GPHN: variants seen among roughly 807,000 people sequenced by gnomAD.
GPHN encodes the protein gephyrin.
In GPHN, 17 loss-of-function variants were observed where a neutral mutation model predicts 95.5. The ratio of observed to expected loss-of-function variants is 0.18; its 90% CI spans 0.12 to 0.27. The LOEUF (loss-of-function observed/expected upper bound fraction) is 0.27. Ranked by LOEUF, GPHN falls within the 10% of genes least tolerant of loss-of-function variation. GPHN has a pLI of 1.00. For missense variants in GPHN, 660 were observed against 978.1 expected (o/e 0.67, Z 4.34); for synonymous variants, 320 against 322.5 (o/e 0.99, Z 0.08).
At chr14:66,951,540 TAA>T (rs1341244420) in intron 8 of GPHN, among the ~76,000 whole-genome samples, 1 of 142,690 alleles carries the variant, frequency 7.0e-6, no homozygotes, top group Non-Finnish European at 1.5e-5. Flanking sequence ...AAGGAAGGGA[TAA>T]AGAAACTTGC....
chr14:67,562,488 T>C, the GPHN span: 1 of 1,613,306 alleles, frequency 6.2e-7, no homozygotes, highest in Non-Finnish European at 8.5e-7. Context: ...GGTGAGGGTC[T>C]GGTTACTGCT....
chr14:67,730,295 A>G, the GPHN span, among the ~76,000 whole-genome samples: 16,493 of 152,208 alleles, frequency 0.11, 949 homozygotes, highest in Middle Eastern at 0.26. Context: ...GCCATTCAGT[A>G]TGGTAGCCAC....
In GPHN at chr14:66,853,940, A is replaced by C. The variant is rs184742616; in HGVS notation, c.295-25999A>C. ...AGAGTTCTTTTTCTATTTTGCCGTT[A>C]GTTTATCTGCCATATTCCTTATCAT... On this transcript the variant is annotated intron_variant, in intron 4 of 22. Transcript: ENST00000478722. Among the ~76,000 whole-genome samples, 456 of 152,308 alleles carry C rather than the reference A, an allele frequency of 3.0e-3. 3 individuals carry two copies. Among genetic ancestry groups the C allele is most frequent in the African/African-American group, 0.011 (438 of 41,566 alleles).
At chr14:67,322,688 T>C in the GPHN span, among the ~76,000 whole-genome samples, 1 of 152,234 alleles carries the variant, frequency 6.6e-6, no homozygotes, top group Non-Finnish European at 1.5e-5. Context: ...TCTTTAGAGT[T>C]CTTTATATTA....
At chr14:66,893,867 T>C (rs1240381124) in intron 5 of GPHN, among the ~76,000 whole-genome samples, 4 of 152,014 alleles carry the variant, frequency 2.6e-5, no homozygotes, top group African/African-American at 9.7e-5. Context: ...TAAAAGAGGA[T>C]ACAAACAAAT....
intron 10 of GPHN, among the ~76,000 whole-genome samples, chr14:67,029,110 C>T (rs1389356280): frequency 6.6e-6 from 1 of 152,102 alleles, no homozygotes; most frequent in Non-Finnish European, 1.5e-5. Flanking sequence ...GCACCATTTA[C>T]TGAGGAAGAC....
chr14:67,560,727 C>CTTTT, the GPHN span, among the ~76,000 whole-genome samples: 3 of 126,426 alleles, frequency 2.4e-5, no homozygotes, highest in Admixed American at 8.2e-5. Flanking sequence ...GAACATATAT[C>CTTTT]TTTTTTTTTT....
intron 11 of GPHN, among the ~76,000 whole-genome samples, chr14:67,065,659 C>G (rs750517213): frequency 6.6e-6 from 1 of 151,960 alleles, no homozygotes. Context: ...CTTCCTGCTG[C>G]ATTGATCCCT....
chr14:67,420,546 G>A, the GPHN span, among the ~76,000 whole-genome samples: 5 of 152,200 alleles, frequency 3.3e-5, no homozygotes, highest in East Asian at 3.8e-4. Flanking sequence ...TCCCGAGACC[G>A]GAAGCCTGGC....
At chr14:66,546,382 A>T (rs1401625235) in intron 1 of GPHN, among the ~76,000 whole-genome samples, 1 of 152,082 alleles carries the variant, frequency 6.6e-6, no homozygotes, top group African/African-American at 2.4e-5. Flanking sequence ...GGCCGGGCAG[A>T]GGCTGCAATC....
At chr14:66,751,534 G>A (rs564246360) in intron 2 of GPHN, among the ~76,000 whole-genome samples, 89 of 152,038 alleles carry the variant, frequency 5.9e-4, no homozygotes, top group Admixed American at 3.8e-3. Flanking sequence ...TTATTAATGG[G>A]GTTGTTTGGA....
the GPHN span, among the ~76,000 whole-genome samples, chr14:67,437,604 G>T: frequency 6.6e-6 from 1 of 152,212 alleles, no homozygotes; most frequent in African/African-American, 2.4e-5. Flanking sequence ...GCAGACAGGA[G>T]CCTCTCTAGC....
chr14:66,997,132 G>T (rs539772863), intron 9 of GPHN, among the ~76,000 whole-genome samples: 1 of 152,132 alleles, frequency 6.6e-6, no homozygotes, highest in Admixed American at 6.5e-5. Context: ...TTGTGAGGCC[G>T]AGATGGGTGG....
the GPHN span, among the ~76,000 whole-genome samples, chr14:67,361,744 AC>A: frequency 6.6e-6 from 1 of 152,236 alleles, no homozygotes; most frequent in Non-Finnish European, 1.5e-5. Context: ...TTACATCAGA[AC>A]ACATAAGAGT....
At chr14:67,670,124 G>A in the GPHN span, among the ~76,000 whole-genome samples, 1 of 152,130 alleles carries the variant, frequency 6.6e-6, no homozygotes, top group Non-Finnish European at 1.5e-5. Context: ...CGTTAGCAAG[G>A]TGACTGCCCA....
At chr14:67,058,913 CTTTT>C in intron 11 of GPHN, 127 bp downstream of exon 11, 1 of 856,706 alleles carries the variant, frequency 1.2e-6, no homozygotes, top group Non-Finnish European at 1.9e-6. Flanking sequence ...TATCATCATT[CTTTT>C]TTTTTCTTAT....
intron 18 of GPHN, among the ~76,000 whole-genome samples, chr14:67,156,625 C>T (rs2081603102): frequency 6.6e-6 from 1 of 152,004 alleles, no homozygotes; most frequent in African/African-American, 2.4e-5. Context: ...AAAAGGAAAT[C>T]AAAGCAGAAG....
At chr14:66,909,137 A>G (rs182489699) in intron 5 of GPHN, among the ~76,000 whole-genome samples, 1 of 152,274 alleles carries the variant, frequency 6.6e-6, no homozygotes, top group Admixed American at 6.6e-5. Context: ...CATGGTACAG[A>G]GAATATGGGA....
At chr14:66,929,772 C>T (rs576184843) in intron 8 of GPHN, among the ~76,000 whole-genome samples, 3 of 151,566 alleles carry the variant, frequency 2.0e-5, no homozygotes, top group East Asian at 3.9e-4. Context: ...ACTGCAGTGG[C>T]GCTATCTTGG....
Sources: allele counts gnomAD v4.1 joint callset (sites outside exome capture counted in the v4.1 genomes callset), GRCh38; gene constraint gnomAD v4.1.1; transcripts MANE v1.5; gene names NCBI Gene and HGNC (gene_info 2026-07-23, HGNC 2026-07-21).